The following SULT1B1 variants were observed in gnomAD, a reference collection of about 807,000 sequenced individuals.
The protein encoded by SULT1B1 is sulfotransferase family 1B member 1.
In SULT1B1, 28 loss-of-function variants were observed where a neutral mutation model predicts 34.6. The ratio of observed to expected loss-of-function variants is 0.81; its 90% CI spans 0.60 to 1.11. The LOEUF (loss-of-function observed/expected upper bound fraction) is 1.11. Ranked by LOEUF, SULT1B1 falls within the 50% of genes least tolerant of loss-of-function variation. The probability of loss-of-function intolerance (pLI) is 0.00; values close to 1 mark genes in which losing one functional copy is unlikely to be tolerated. For synonymous variants in SULT1B1, 147 were observed against 110.2 expected (o/e 1.33, Z -2.09); for missense variants, 374 against 352.2 (o/e 1.06, Z -0.50).
At chr4:69,734,919 G>C (rs1412087632) in intron 4 of SULT1B1, among the ~76,000 whole-genome samples, 1 of 150,280 alleles carries the variant, frequency 6.7e-6, no homozygotes, top group Non-Finnish European at 1.5e-5. Flanking sequence ...CCCAGGTTCA[G>C]GCCATCCTCC....
chr4:69,756,051 A>G (rs547269199), intron 1 of SULT1B1, among the ~76,000 whole-genome samples: 11 of 152,212 alleles, frequency 7.2e-5, no homozygotes, highest in African/African-American at 2.6e-4. Context: ...TTCTTCTGCA[A>G]TGTTTAATCT....
At chr4:69,734,092 A>G (rs1718194539) in intron 5 of SULT1B1, 46 bp downstream of exon 5, 1 of 1,410,768 alleles carries the variant, frequency 7.1e-7, no homozygotes, top group South Asian at 1.5e-5. Flanking sequence ...TAATAGTATT[A>G]TTAAAATAAA....
intron 4 of SULT1B1, among the ~76,000 whole-genome samples, chr4:69,745,656 T>G (rs889984704): frequency 6.6e-6 from 1 of 152,218 alleles, no homozygotes; most frequent in Non-Finnish European, 1.5e-5. Context: ...TCTTGCTTCT[T>G]TATCCAACTT....
intron 6 of SULT1B1, 145 bp from the exon 7 acceptor site, chr4:69,730,826 A>G: frequency 4.4e-6 from 3 of 684,918 alleles, no homozygotes; most frequent in Non-Finnish European, 7.1e-6. Context: ...CAATTTTTAA[A>G]TAAACTAATC....
chr4:69,743,823 G>A (rs1409794931), intron 4 of SULT1B1, among the ~76,000 whole-genome samples: 1 of 152,200 alleles, frequency 6.6e-6, no homozygotes, highest in Non-Finnish European at 1.5e-5. Context: ...CGAGCGGGTA[G>A]TGGCCAGATA....
chr4:69,746,347 G>T (rs1421315693), intron 4 of SULT1B1, among the ~76,000 whole-genome samples: 1 of 152,252 alleles, frequency 6.6e-6, no homozygotes, highest in Admixed American at 6.5e-5. Flanking sequence ...ATTCCAGTGA[G>T]TCACAGGTTT....
At position 69,724,006 on chromosome 4, in the gene SULT1B1, T is replaced by G. The variant is rs1717730123; in HGVS notation, c.*3082A>C. ...CTCTCACCACTCCTATTCAACATAG[T>G]GTTGGAAGTTCTGGCCAGGGCAATC... On this transcript the variant is annotated 3_prime_UTR_variant, in exon 8 of 8. Coordinates refer to ENST00000310613, the MANE Select transcript of SULT1B1 (RefSeq NM_014465.4). 1.3e-5 allele frequency: 2 copies of G among 152,178 alleles called. No individual in the cohort carries two copies. Among genetic ancestry groups the G allele is most frequent in the Admixed American group, 1.3e-4 (2 of 15,284 alleles). The allele number at this position is 152,178 out of a possible 1,614,324, so 9.4% of individuals were successfully genotyped here. A position where few individuals can be genotyped will look rare whatever the true frequency, so the allele number is the denominator to read the frequency against.
At chr4:69,727,558 AATAG>A (rs1717885498) in intron 7 of SULT1B1, among the ~76,000 whole-genome samples, 8 of 149,408 alleles carry the variant, frequency 5.4e-5, no homozygotes, top group Admixed American at 3.3e-4. Context: ...CACTTGGATC[AATAG>A]TCAGGCATAT....
At position 69,725,346 on chromosome 4, in the gene SULT1B1, G is replaced by A. The variant is rs1717793936; in HGVS notation, c.*1742C>T. On this transcript the variant is annotated 3_prime_UTR_variant, in exon 8 of 8. Transcript: ENST00000310613. ...ATACCATCTCACACCAGTTAGAATG[G>A]CAATCATTAAAAAGTCAGGAAACAA... The A allele has an allele frequency of 1.3e-5, 2 of 152,122 alleles. No homozygotes were observed. Among genetic ancestry groups the A allele is most frequent in the Admixed American group, 6.6e-5 (1 of 15,258 alleles). The allele number at this position is 152,122 out of a possible 1,614,324, so 9.4% of individuals were successfully genotyped here.
chr4:69,760,271 T>C (rs1719341643), intron 1 of SULT1B1, 188 bp downstream of exon 1: 6 of 968,782 alleles, frequency 6.2e-6, no homozygotes, highest in Admixed American at 1.2e-4. Flanking sequence ...AAAAATAAAA[T>C]TGAACATTGA....
At chr4:69,753,075 G>T (rs1719039789) in intron 3 of SULT1B1, among the ~76,000 whole-genome samples, 1 of 152,094 alleles carries the variant, frequency 6.6e-6, no homozygotes, top group African/African-American at 2.4e-5. Flanking sequence ...ATTATGCTGA[G>T]CATTGCCTAA....
At chr4:69,746,144 T>A (rs1188586302) in intron 4 of SULT1B1, among the ~76,000 whole-genome samples, 1 of 152,230 alleles carries the variant, frequency 6.6e-6, no homozygotes, top group Non-Finnish European at 1.5e-5. Flanking sequence ...AGGTTTCTTA[T>A]TTCACATTGA....
rs774500855 is a variant in SULT1B1, at chr4:69,753,816, G to A, written c.277+854C>T. On this transcript the variant is annotated intron_variant, in intron 3 of 7. Coordinates refer to ENST00000310613, the MANE Select transcript of SULT1B1 (RefSeq NM_014465.4). Reference sequence around the variant, plus strand: ...AACATATTACATTCTACCCTTGTGCGAATCACCAAGTTTTGGCCAATCAAA... The same window carrying A: ...AACATATTACATTCTACCCTTGTGCAAATCACCAAGTTTTGGCCAATCAAA... 1.4e-4 allele frequency among the ~76,000 whole-genome samples: 21 copies of A among 152,262 alleles called. No individual in the cohort carries two copies. In the South Asian group the frequency reaches 1.7e-3, roughly 12 times the overall value.
At chr4:69,729,474 A>G (rs1475374184) in intron 7 of SULT1B1, among the ~76,000 whole-genome samples, 1 of 152,084 alleles carries the variant, frequency 6.6e-6, no homozygotes, top group African/African-American at 2.4e-5. Context: ...TATACACATC[A>G]GTCTTCTTTG....
rs1232056155 is a variant in SULT1B1, at chr4:69,734,146, G to A, written c.494C>T (p.Thr165Ile). Residue 165 changes from threonine to isoleucine, a missense_variant, in exon 5 of 8, where the codon ACT becomes ATT. By Grantham distance (89) the Thr-to-Ile change is moderately conservative. Coordinates refer to ENST00000310613, the MANE Select transcript of SULT1B1 (RefSeq NM_014465.4). Reference protein sequence around the residue: ...TWEEYLEKFLTGKVAYGSWFT... With the variant: ...TWEEYLEKFLIGKVAYGSWFT... ...AGATAAAGTCCACATACCTTTTCCA[G>A]TTAAGAATTTCTCCAGATATTCTTC... The A allele has an allele frequency of 1.2e-6, 2 of 1,608,208 alleles. No individual in the cohort carries two copies. Among genetic ancestry groups the A allele is most frequent in the Non-Finnish European group, 1.7e-6 (2 of 1,177,190 alleles).
chr4:69,753,627 TC>T (rs1719068558), intron 3 of SULT1B1, among the ~76,000 whole-genome samples: 1 of 152,202 alleles, frequency 6.6e-6, no homozygotes, highest in African/African-American at 2.4e-5. Flanking sequence ...CAGGACTGTA[TC>T]CTGGGATATT....
rs779362138 is a variant in SULT1B1, at chr4:69,749,786, G to C, written c.310C>G (p.Arg104Gly). 8.1e-6 allele frequency: 13 copies of C among 1,613,400 alleles called. No homozygotes were observed. The highest frequency in any genetic ancestry group is 1.7e-6 in the Non-Finnish European group (2 of 1,179,590). ...IEQLEKNPSP[R>G]IVKTHLPTDL... ...GTCGGTAGATGTGTTTTCACAATCC[G>C]GGGTGATGGATTCTTCTCCAATTGT... The change falls in exon 4 of 8, where the codon CGG (arginine) becomes GGG (glycine). Residue 104 changes from arginine to glycine, a missense_variant. By Grantham distance (125) the Arg-to-Gly change is moderately radical. Transcript: ENST00000310613.
Position 69,757,630 on chromosome 4 carries a change from A to AT in SULT1B1, c.-44-2370dup, listed in dbSNP as rs1209278205. Among the ~76,000 whole-genome samples, 3 of 151,928 alleles carry AT rather than the reference A, an allele frequency of 2.0e-5. No homozygotes were observed. In the East Asian group the frequency reaches 5.8e-4, roughly 29 times the overall value. ...CTAGGAGGGAGAAATTTGGGCAAAT[A>AT]TTTTTTCATTTTATATTGTAAGATG... On this transcript the variant is annotated intron_variant, in intron 1 of 7. Coordinates refer to ENST00000310613, the MANE Select transcript of SULT1B1 (RefSeq NM_014465.4).
chr4:69,723,648 CCAG>C lies in SULT1B1; in HGVS notation c.*3437_*3439del, dbSNP rs1196556982. The C allele has an allele frequency of 6.6e-6, 1 of 152,136 alleles. No individual in the cohort carries two copies. The highest frequency in any genetic ancestry group is 1.5e-5 in the Non-Finnish European group (1 of 68,022). 9.4% of individuals were successfully genotyped at this position (152,136 alleles called of 1,614,324 possible). On this transcript the variant is annotated 3_prime_UTR_variant, in exon 8 of 8. Coordinates refer to ENST00000310613, the MANE Select transcript of SULT1B1 (RefSeq NM_014465.4). Reference sequence around the variant, plus strand: ...TCAATAAAATACTGGCAAACCGAATCCAGCAGCACATCAAAAAGCTTATCCACC... The same window carrying C: ...TCAATAAAATACTGGCAAACCGAATCCAGCACATCAAAAAGCTTATCCACC...
Sources: gnomAD v4.1 joint callset for allele counts (sites outside exome capture counted in the v4.1 genomes callset) on GRCh38, gnomAD v4.1.1 for gene constraint, MANE v1.5 for transcripts, NCBI Gene and HGNC (gene_info 2026-07-23, HGNC 2026-07-21) for gene names.